MACF1: variants seen among roughly 807,000 people sequenced by gnomAD.
MACF1 encodes the protein microtubule actin crosslinking factor 1.
Under a neutral mutation model 854.8 loss-of-function variants are expected in MACF1, and 193 were observed. The observed-to-expected ratio is 0.23, with a 90% confidence interval of 0.20 to 0.25. MACF1 has a LOEUF of 0.25. MACF1 is among the 10% of genes least tolerant of loss of function. The probability of loss-of-function intolerance (pLI) is 1.00; values close to 1 mark genes in which losing one functional copy is unlikely to be tolerated. For missense variants in MACF1, 7,722 were observed against 8,929.1 expected, an observed-to-expected ratio of 0.86 and a Z score of 5.45; for synonymous variants, 3,185 against 3,226.7, an observed-to-expected ratio of 0.99 and a Z score of 0.44.
At chr1:39,264,320 G>C (rs145148892) in intron 6 of MACF1, among the ~76,000 whole-genome samples, 29 of 152,240 alleles carry the variant, frequency 1.9e-4, no homozygotes, top group Non-Finnish European at 3.5e-4. Context: ...CAAAGGTACT[G>C]TATGACTTAC....
At chr1:39,279,031 A>G (rs1390865618) in intron 6 of MACF1, among the ~76,000 whole-genome samples, 1 of 152,232 alleles carries the variant, frequency 6.6e-6, no homozygotes, top group Non-Finnish European at 1.5e-5. Flanking sequence ...TAGAATATCT[A>G]TATGGGAAGC....
At chr1:39,161,910 A>G (rs1027285767) in intron 2 of MACF1, among the ~76,000 whole-genome samples, 55 of 145,456 alleles carry the variant, frequency 3.8e-4, no homozygotes, top group African/African-American at 1.3e-3. Flanking sequence ...AAAAAAAACT[A>G]GCCGGGCATG....
At position 39,204,939 on chromosome 1, in the gene MACF1, A is replaced by C; in HGVS notation, c.-84A>C. ...TCTGCCTCTGCTGATAGTACAGGACAACAGTAACCTCAGGAGAAAGGCATC... is the reference window on the plus strand; with the variant it reads ...TCTGCCTCTGCTGATAGTACAGGACCACAGTAACCTCAGGAGAAAGGCATC... On this transcript the variant is annotated 5_prime_UTR_variant, in exon 1 of 101. Transcript: ENST00000564288. 1.4e-6 allele frequency: 1 copy of C among 689,820 alleles called. No homozygotes were observed. Among genetic ancestry groups the C allele is most frequent in the Non-Finnish European group, 2.6e-6 (1 of 378,416 alleles). The allele number at this position is 689,820 out of a possible 1,614,324, so 42.7% of individuals were successfully genotyped here.
intron 84 of MACF1, among the ~76,000 whole-genome samples, chr1:39,449,663 G>A (rs1258841210): frequency 6.6e-6 from 1 of 150,774 alleles, no homozygotes; most frequent in African/African-American, 2.4e-5. Flanking sequence ...CTCCCAAAGT[G>A]CTGGGATTAC....
At chr1:39,355,654 C>T (rs1268229686) in intron 44 of MACF1, among the ~76,000 whole-genome samples, 3 of 151,836 alleles carry the variant, frequency 2.0e-5, no homozygotes, top group African/African-American at 7.3e-5. Context: ...TTAGTAGAGA[C>T]GGGGTTTCAC....
chr1:39,258,321 A>G (rs1645119051), intron 6 of MACF1, among the ~76,000 whole-genome samples: 1 of 152,250 alleles, frequency 6.6e-6, no homozygotes, highest in African/African-American at 2.4e-5. Flanking sequence ...CAGCTGAATC[A>G]AAATGAGGCT....
intron 95 of MACF1, among the ~76,000 whole-genome samples, chr1:39,466,048 T>C (rs1343709557): frequency 6.6e-6 from 1 of 152,108 alleles, no homozygotes; most frequent in East Asian, 1.9e-4. Context: ...CAGGAGAGGG[T>C]CAGATGACTT....
chr1:39,475,271 T>A (rs1442515338), intron 97 of MACF1, among the ~76,000 whole-genome samples: 1 of 152,136 alleles, frequency 6.6e-6, no homozygotes, highest in African/African-American at 2.4e-5. Context: ...GATTCTGAGC[T>A]GTTGACAACA....
chr1:39,147,381 C>T (rs770089285), intron 2 of MACF1, among the ~76,000 whole-genome samples: 25 of 129,416 alleles, frequency 1.9e-4, no homozygotes, highest in Non-Finnish European at 2.7e-4. Flanking sequence ...CTTTCCTTTC[C>T]TTCCCCTTCT....
At chr1:39,442,369 T>C (rs1644136457) in intron 76 of MACF1, 43 bp from the exon 77 acceptor site, 2 of 1,606,056 alleles carry the variant, frequency 1.2e-6, no homozygotes, top group Non-Finnish European at 1.7e-6. Context: ...CGCTCTTTTC[T>C]AATTTCGTAT....
chr1:39,289,585 T>G (rs1645726257), intron 15 of MACF1, among the ~76,000 whole-genome samples: 2 of 152,038 alleles, frequency 1.3e-5, no homozygotes, highest in Non-Finnish European at 2.9e-5. Context: ...TTAATTAGAT[T>G]ATTAGTTTTT....
chr1:39,280,858 G>A (rs1271627039), intron 6 of MACF1, among the ~76,000 whole-genome samples: 11 of 152,190 alleles, frequency 7.2e-5, no homozygotes, highest in South Asian at 2.1e-4. Flanking sequence ...GATTACAGGC[G>A]TGAGCCACTG....
chr1:39,250,215 A>T, intron 3 of MACF1, 112 bp downstream of exon 3: 1 of 595,292 alleles, frequency 1.7e-6, no homozygotes, highest in Non-Finnish European at 3.0e-6. Context: ...ATTAGAGGGG[A>T]GGAAGAAGTA....
chr1:39,369,326 G>A (rs1370679995), intron 50 of MACF1, among the ~76,000 whole-genome samples: 2 of 152,264 alleles, frequency 1.3e-5, no homozygotes, highest in East Asian at 1.9e-4. Flanking sequence ...TAAGTTTAGC[G>A]ATAAATATGA....
At position 39,424,080 on chromosome 1, in the gene MACF1, C is replaced by G. The variant is rs546684502; in HGVS notation, c.16202C>G (p.Ala5401Gly). The G allele has an allele frequency of 1.4e-5, 23 of 1,611,670 alleles. No homozygotes were observed. Among genetic ancestry groups the G allele is most frequent in the Non-Finnish European group, 1.9e-5 (22 of 1,179,566 alleles). Reference sequence around the variant, plus strand: ...AAGGCCACAGTAGACATGCTTCAAGCAGAAGGAGGCAGAATAGCCCAGTCA... The same window carrying G: ...AAGGCCACAGTAGACATGCTTCAAGGAGAAGGAGGCAGAATAGCCCAGTCA... ...DRKATVDMLQ[A>G]EGGRIAQSAE... Residue 5401 changes from alanine (A) to glycine (G), a missense_variant, in exon 61 of 101, where the codon GCA becomes GGA. Physicochemically the swap from Ala to Gly is moderately conservative, Grantham distance 60. This residue lies in a region of MACF1 where 2,807 missense variants were observed against 3,235.8 expected (regional missense o/e 0.87). Coordinates refer to ENST00000564288, the MANE Select transcript of MACF1 (RefSeq NM_001394062.1).
intron 2 of MACF1, among the ~76,000 whole-genome samples, chr1:39,153,032 G>A (rs1643615338): frequency 6.6e-6 from 1 of 152,202 alleles, no homozygotes; most frequent in South Asian, 2.1e-4. Context: ...TGGTGCAGCT[G>A]TATCCTCTGG....
chr1:39,464,434 C>T (rs1557668589), intron 94 of MACF1: 1 of 153,464 alleles, frequency 6.5e-6, no homozygotes, highest in South Asian at 2.0e-4. Flanking sequence ...CTGCAGTCTC[C>T]TGAGGAGTGC....
chr1:39,384,833 A>G (rs916456219), intron 56 of MACF1, among the ~76,000 whole-genome samples: 1 of 152,208 alleles, frequency 6.6e-6, no homozygotes. Context: ...ATGAATGCCA[A>G]CTTTAATTTC....
intron 43 of MACF1, among the ~76,000 whole-genome samples, chr1:39,352,168 A>G (rs953762521): frequency 1.3e-5 from 2 of 152,198 alleles, no homozygotes; most frequent in East Asian, 3.8e-4. Flanking sequence ...TTACCTGAAG[A>G]TGAATTTTGA....
Sources: gnomAD v4.1 joint callset for allele counts (sites outside exome capture counted in the v4.1 genomes callset) on GRCh38, gnomAD v4.1.1 for gene constraint, gnomAD v4.1.1 regional missense constraint, MANE v1.5 for transcripts, NCBI Gene and HGNC (gene_info 2026-07-23, HGNC 2026-07-21) for gene names.